The following PCBP3 variants were observed in gnomAD, a reference collection of about 807,000 sequenced individuals.
The protein encoded by PCBP3 is poly(rC) binding protein 3.
PCBP3 carries 25 observed loss-of-function variants against 52.7 expected under a neutral mutation model. That is an observed-to-expected ratio of 0.47 (90% CI 0.35 to 0.66). PCBP3 has a LOEUF of 0.66. Among genes scored for constraint, PCBP3 ranks in the 30% least tolerant of loss-of-function variants. The pLI, the probability that PCBP3 is intolerant of heterozygous loss-of-function variation, is 0.01. For missense variants in PCBP3, 391 were observed against 490.3 expected, an observed-to-expected ratio of 0.80 and a Z score of 1.91; for synonymous variants, 162 against 183.0, an observed-to-expected ratio of 0.89 and a Z score of 0.93.
chr21:45,781,458 C>T (rs1369097551), intron 4 of PCBP3, among the ~76,000 whole-genome samples: 4 of 152,160 alleles, frequency 2.6e-5, no homozygotes, highest in Admixed American at 6.5e-5. Context: ...ATGAGAACCA[C>T]GATGAGAAAC....
rs887154995 is a variant in PCBP3 at position 45,928,362 on chromosome 21, C to T, written c.718-1555C>T. 9.2e-5 allele frequency among the ~76,000 whole-genome samples: 14 copies of T among 152,098 alleles called. No homozygotes were observed. Among genetic ancestry groups the T allele is most frequent in the African/African-American group, 2.9e-4 (12 of 41,428 alleles). ...CCCAGCCCAGACCTGGCTGCAAGGC[C>T]AGGGGTTGGGGAGGGGCAGGGCTGG... On this transcript the variant is annotated intron_variant, in intron 13 of 17. Transcript: ENST00000681687. The surrounding 1 kb of genome is among the most constrained non-coding windows in gnomAD (Gnocchi z 4.1).
At chr21:45,891,344 C>T (rs1354260175) in intron 5 of PCBP3, among the ~76,000 whole-genome samples, 1 of 152,236 alleles carries the variant, frequency 6.6e-6, no homozygotes, top group African/African-American at 2.4e-5. Flanking sequence ...TTGCATACAG[C>T]TCGAATGTTC....
chr21:45,907,628 A>G (rs7277632), intron 9 of PCBP3, among the ~76,000 whole-genome samples: 117,554 of 152,112 alleles, frequency 0.77, 45,818 homozygotes, highest in East Asian at 1. Context: ...ATGTGCAACC[A>G]AAAGAATTCT....
In PCBP3 at chr21:45,827,206, A is replaced by G. The variant is rs2093331093; in HGVS notation, c.-125-22755A>G. Among the ~76,000 whole-genome samples the G allele has an allele frequency of 6.6e-6, 1 of 152,182 alleles. No individual in the cohort carries two copies. The highest frequency in any genetic ancestry group is 2.1e-4 in the South Asian group (1 of 4,828). On this transcript the variant is annotated intron_variant, in intron 4 of 17. Coordinates refer to ENST00000681687, the MANE Select transcript of PCBP3 (RefSeq NM_001384156.1). The surrounding 1 kb of genome is among the most constrained non-coding windows in gnomAD (Gnocchi z 4.3). ...GACAAGGAGCCCTTCCCATCTGGGC[A>G]TCAGCTGAGGCCAGGGGCGGAACCT...
At chr21:45,810,762 A>G (rs775342457) in intron 4 of PCBP3, among the ~76,000 whole-genome samples, 1 of 152,100 alleles carries the variant, frequency 6.6e-6, no homozygotes, top group South Asian at 2.1e-4. Context: ...TTATGTCTCT[A>G]TGTGTTTGAC....
chr21:45,909,491 C>CA lies in PCBP3; in HGVS notation c.471+6dup. On this transcript the variant is annotated splice_donor_region_variant and intron_variant, in intron 10 of 17. Coordinates refer to ENST00000681687, the MANE Select transcript of PCBP3 (RefSeq NM_001384156.1). ...AAGATCAAGGAGATCAGGGAGGTAA[C>CA]AGGACCTTCCCAGCCTGGGCCGCTG... is the stretch of plus-strand genomic sequence containing the variant. The CA allele has an allele frequency of 6.2e-7, 1 of 1,612,002 alleles. No individual in the cohort carries two copies. Among genetic ancestry groups the CA allele is most frequent in the Non-Finnish European group, 8.5e-7 (1 of 1,179,308 alleles).
chr21:45,930,098 A>T, intron 14 of PCBP3, 103 bp downstream of exon 14: 1 of 544,040 alleles, frequency 1.8e-6, no homozygotes, highest in Non-Finnish European at 3.0e-6. Flanking sequence ...GTGCAGTTGG[A>T]TTTGTGAGTG....
intron 13 of PCBP3, among the ~76,000 whole-genome samples, chr21:45,926,023 C>G (rs1156367916): frequency 6.6e-6 from 1 of 152,224 alleles, no homozygotes. Flanking sequence ...AACCTCATCA[C>G]ATACCAGCCC....
chr21:45,840,068 T>C lies in PCBP3; in HGVS notation c.-125-9893T>C, dbSNP rs374312494. Among the ~76,000 whole-genome samples, 46 of 152,194 alleles carry C rather than the reference T, an allele frequency of 3.0e-4. No homozygotes were observed. The East Asian group carries it at 7.0e-3, about 23-fold the overall frequency. Reference sequence around the variant, plus strand: ...TAGAAAGAAGCTTATAAAATAAAGATATAAAGAAAATATTTTGTGGTGCTG... The same window carrying C: ...TAGAAAGAAGCTTATAAAATAAAGACATAAAGAAAATATTTTGTGGTGCTG... On this transcript the variant is annotated intron_variant, in intron 4 of 17. Coordinates refer to ENST00000681687, the MANE Select transcript of PCBP3 (RefSeq NM_001384156.1).
At chr21:45,793,061 A>G (rs1365357057) in intron 4 of PCBP3, among the ~76,000 whole-genome samples, 1 of 152,228 alleles carries the variant, frequency 6.6e-6, no homozygotes, top group African/African-American at 2.4e-5. Context: ...AAAACTGCCA[A>G]CAAGCTGGGA....
intron 1 of PCBP3, among the ~76,000 whole-genome samples, chr21:45,668,462 T>C (rs985620046): frequency 1.3e-5 from 2 of 152,062 alleles, no homozygotes; most frequent in African/African-American, 4.8e-5. Flanking sequence ...AATAAGACTT[T>C]GAAGGAGCTC....
At chr21:45,912,134 G>A (rs914080288) in intron 11 of PCBP3, among the ~76,000 whole-genome samples, 1 of 152,224 alleles carries the variant, frequency 6.6e-6, no homozygotes, top group Non-Finnish European at 1.5e-5. Context: ...AGTGCCAGGT[G>A]CAGCTCCACA....
rs1280534350 is a variant in PCBP3, at chr21:45,805,146, A to G, written c.-125-44815A>G. The stretch of plus-strand genomic sequence containing the variant: ...ATCGTCATCTTGGGCCATGGCTACC[A>G]CATATGGCGCTTCCTAGCCGGGCAC... On this transcript the variant is annotated intron_variant, in intron 4 of 17. Coordinates refer to ENST00000681687, the MANE Select transcript of PCBP3 (RefSeq NM_001384156.1). The surrounding 1 kb of genome is among the most constrained non-coding windows in gnomAD (Gnocchi z 4.6). Among the ~76,000 whole-genome samples, 1 of 152,150 alleles carries G rather than the reference A, an allele frequency of 6.6e-6. No homozygotes were observed. Among genetic ancestry groups the G allele is most frequent in the Non-Finnish European group, 1.5e-5 (1 of 68,004 alleles).
intron 13 of PCBP3, chr21:45,919,524 A>G (rs1160691707): frequency 6.6e-6 from 1 of 152,266 alleles, no homozygotes; most frequent in African/African-American, 2.4e-5. Flanking sequence ...TGAATGGAGA[A>G]TAGATAACAA....
chr21:45,882,106 C>T lies in PCBP3; in HGVS notation c.11-14102C>T, dbSNP rs191817231. On this transcript the variant is annotated intron_variant, in intron 5 of 17. Coordinates refer to ENST00000681687, the MANE Select transcript of PCBP3 (RefSeq NM_001384156.1). ...TATTTCTAGTTTTTTGAGGAACTTC[C>T]GTACCGTTCTCCATAATGACTGTAC... 7.9e-5 allele frequency among the ~76,000 whole-genome samples: 12 copies of T among 152,286 alleles called. 1 individual carries two copies. Among genetic ancestry groups the T allele is most frequent in the Admixed American group, 3.3e-4 (5 of 15,304 alleles).
intron 9 of PCBP3, among the ~76,000 whole-genome samples, chr21:45,905,708 C>T (rs1395465833): frequency 6.6e-6 from 1 of 152,200 alleles, no homozygotes; most frequent in Non-Finnish European, 1.5e-5. Flanking sequence ...CTGTGTGTGT[C>T]AGTTCCTTGT....
At chr21:45,860,702 C>T (rs2094475771) in intron 5 of PCBP3, among the ~76,000 whole-genome samples, 1 of 152,224 alleles carries the variant, frequency 6.6e-6, no homozygotes, top group African/African-American at 2.4e-5. Flanking sequence ...GTAAAACAGG[C>T]ACAATGCAGA....
chr21:45,647,410 A>C (rs972053324), intron 1 of PCBP3, among the ~76,000 whole-genome samples: 1 of 152,160 alleles, frequency 6.6e-6, no homozygotes, highest in African/African-American at 2.4e-5. Flanking sequence ...GAACATGTAA[A>C]CAGATAATTA....
At chr21:45,747,303 C>T (rs995722813) in intron 3 of PCBP3, among the ~76,000 whole-genome samples, 5 of 152,214 alleles carry the variant, frequency 3.3e-5, no homozygotes, top group African/African-American at 7.2e-5. Context: ...GTACCTCCCA[C>T]GACACGTGGG....
Sources: gnomAD v4.1 joint callset for allele counts (sites outside exome capture counted in the v4.1 genomes callset) on GRCh38, gnomAD v4.1.1 for gene constraint, Gnocchi (gnomAD v3.1) non-coding constraint, MANE v1.5 for transcripts, NCBI Gene and HGNC (gene_info 2026-07-23, HGNC 2026-07-21) for gene names.